The following ARHGAP24 variants were observed in gnomAD, a reference collection of about 807,000 sequenced individuals.
The protein encoded by ARHGAP24 is Rho GTPase activating protein 24.
ARHGAP24 carries 50 observed loss-of-function variants against 76.4 expected under a neutral mutation model. That is an observed-to-expected ratio of 0.65 (90% CI 0.52 to 0.83). The LOEUF is 0.83. Among genes scored for constraint, ARHGAP24 ranks in the 40% least tolerant of loss-of-function variants. The probability of loss-of-function intolerance (pLI) is 0.00; values close to 1 mark genes in which losing one functional copy is unlikely to be tolerated. For synonymous variants in ARHGAP24, 345 were observed against 323.3 expected (o/e 1.07, Z -0.72); for missense variants, 930 against 914.2 (o/e 1.02, Z -0.22).
intron 3 of ARHGAP24, among the ~76,000 whole-genome samples, chr4:85,913,090 A>G (rs79956508): frequency 1.3e-5 from 2 of 152,066 alleles, no homozygotes; most frequent in East Asian, 1.9e-4. Flanking sequence ...ACATTCCTTA[A>G]TATTTCTCAT....
chr4:85,979,076 T>C (rs1269377463), intron 8 of ARHGAP24, among the ~76,000 whole-genome samples: 1 of 152,236 alleles, frequency 6.6e-6, no homozygotes, highest in Non-Finnish European at 1.5e-5. Flanking sequence ...TGTTGATTCA[T>C]GGTGCAATGT....
chr4:85,729,746 C>T (rs1171221021), intron 3 of ARHGAP24, among the ~76,000 whole-genome samples: 1 of 152,132 alleles, frequency 6.6e-6, no homozygotes, highest in Non-Finnish European at 1.5e-5. Context: ...GGCTGTATGT[C>T]AATAAAATTT....
intron 5 of ARHGAP24, among the ~76,000 whole-genome samples, chr4:85,946,009 G>A (rs945619848): frequency 6.6e-6 from 1 of 152,144 alleles, no homozygotes. Flanking sequence ...AATCCTGGCA[G>A]AAGGCAAGGA....
chr4:85,723,110 C>A (rs1725017675), intron 3 of ARHGAP24, among the ~76,000 whole-genome samples: 1 of 152,116 alleles, frequency 6.6e-6, no homozygotes, highest in Non-Finnish European at 1.5e-5. Context: ...TTTATTCTTA[C>A]TTCTTAGTGG....
chr4:85,679,280 G>A (rs1723113226), intron 2 of ARHGAP24, among the ~76,000 whole-genome samples: 1 of 152,100 alleles, frequency 6.6e-6, no homozygotes, highest in Non-Finnish European at 1.5e-5. Context: ...ACCTGGACAA[G>A]GGGGGCTTCA....
intron 3 of ARHGAP24, among the ~76,000 whole-genome samples, chr4:85,775,716 G>A (rs929157435): frequency 6.6e-6 from 1 of 152,174 alleles, no homozygotes; most frequent in African/African-American, 2.4e-5. Flanking sequence ...AAATCATGTA[G>A]TACATAGGAG....
At chr4:85,515,783 T>G (rs764793599) in intron 1 of ARHGAP24, among the ~76,000 whole-genome samples, 1 of 152,104 alleles carries the variant, frequency 6.6e-6, no homozygotes, top group Non-Finnish European at 1.5e-5. Context: ...ATTTTAGAGG[T>G]GAATCTTTAA....
In ARHGAP24 at chr4:85,974,957, TGCA is replaced by T. The variant is rs769001850; in HGVS notation, c.804_806del (p.Cys268_Arg269delinsTer). 6.2e-7 allele frequency: 1 copy of T among 1,613,560 alleles called. No homozygotes were observed. The highest frequency in any genetic ancestry group is 8.5e-7 in the Non-Finnish European group (1 of 1,179,658). ...AAATTACAACCTCCTCAAGTATATT[TGCA>T]GGTAAGAACTGTCCTAAGGACAAAC... On this transcript the variant is annotated stop_gained and inframe_deletion and splice_region_variant, in exon 7 of 10. Transcript: ENST00000395184. LOFTEE classifies it high-confidence loss of function.
chr4:85,692,918 T>C (rs1723723192), intron 2 of ARHGAP24, among the ~76,000 whole-genome samples: 2 of 152,166 alleles, frequency 1.3e-5, no homozygotes, highest in Admixed American at 6.5e-5. Context: ...CTTTCTCACC[T>C]GGGAGGGTTA....
At chr4:85,786,675 G>A (rs924622674) in intron 3 of ARHGAP24, among the ~76,000 whole-genome samples, 1 of 152,104 alleles carries the variant, frequency 6.6e-6, no homozygotes, top group African/African-American at 2.4e-5. Context: ...GATATTGGGG[G>A]AAATTGTTTG....
intron 1 of ARHGAP24, among the ~76,000 whole-genome samples, chr4:85,561,729 T>TCCTAA (rs1435943980): frequency 2.6e-5 from 4 of 152,068 alleles, no homozygotes; most frequent in Non-Finnish European, 5.9e-5. Context: ...CCTTAGGAGG[T>TCCTAA]GTTCATGCAT....
chr4:85,938,325 A>G (rs1578409748), intron 4 of ARHGAP24, among the ~76,000 whole-genome samples: 2 of 152,188 alleles, frequency 1.3e-5, no homozygotes, highest in East Asian at 3.8e-4. Flanking sequence ...CATAGCTGGA[A>G]CTGTTTGCAT....
At chr4:85,974,796 A>C in intron 6 of ARHGAP24, 92 bp from the exon 7 acceptor site, 2 of 1,231,390 alleles carry the variant, frequency 1.6e-6, no homozygotes, top group Non-Finnish European at 2.3e-6. Context: ...TGTGAAACTA[A>C]TTTTTTAAAA....
At chr4:85,541,782 A>G (rs1192913848) in intron 1 of ARHGAP24, among the ~76,000 whole-genome samples, 8 of 152,298 alleles carry the variant, frequency 5.3e-5, no homozygotes, top group Admixed American at 5.2e-4. Context: ...CCATAAAAAA[A>G]CAGAAGAAGG....
chr4:85,891,019 GA>G (rs1385456553), intron 3 of ARHGAP24, among the ~76,000 whole-genome samples: 13 of 152,238 alleles, frequency 8.5e-5, no homozygotes, highest in Admixed American at 2.6e-4. Flanking sequence ...GGGTAACCAT[GA>G]AAAGGTGGCT....
chr4:85,880,031 A>G (rs1321328116), intron 3 of ARHGAP24, among the ~76,000 whole-genome samples: 1 of 152,200 alleles, frequency 6.6e-6, no homozygotes. Flanking sequence ...CAGGCCATGG[A>G]TCAGTACCAG....
intron 2 of ARHGAP24, among the ~76,000 whole-genome samples, chr4:85,627,017 C>T (rs959802883): frequency 6.6e-6 from 1 of 152,028 alleles, no homozygotes; most frequent in Non-Finnish European, 1.5e-5. Flanking sequence ...GCCATTGGTT[C>T]GAATTTCCTC....
rs1300077222 is a variant in ARHGAP24, at chr4:85,972,084, A to G, written c.648A>G (p.Arg216=). 6.2e-7 allele frequency: 1 copy of G among 1,614,096 alleles called. No homozygotes were observed. The highest frequency in any genetic ancestry group is 1.1e-5 in the South Asian group (1 of 91,060). ...TVASLLKLYL[R]ELPEPVIPYA... is the part of the protein sequence containing the mutation. ...CATCACTTCTTAAGCTGTACCTCCG[A>G]GAACTTCCAGAACCAGTTATTCCTT... The change falls in exon 6 of 10, where the codon CGA becomes CGG. Residue 216 remains arginine, a synonymous_variant. Transcript: ENST00000395184.
chr4:85,668,132 A>T (rs1722703972), intron 2 of ARHGAP24, among the ~76,000 whole-genome samples: 2 of 152,226 alleles, frequency 1.3e-5, no homozygotes, highest in South Asian at 2.1e-4. Context: ...AACAAGAAAC[A>T]GAAGAAGTCA....
Sources: allele counts gnomAD v4.1 joint callset (sites outside exome capture counted in the v4.1 genomes callset), GRCh38; gene constraint gnomAD v4.1.1; transcripts MANE v1.5; gene names NCBI Gene and HGNC (gene_info 2026-07-23, HGNC 2026-07-21).